The following BBS9 variants were observed in gnomAD, a reference collection of about 807,000 sequenced individuals.
BBS9 encodes the protein protein PTHB1.
A neutral mutation model predicts 117.7 loss-of-function variants in BBS9; 89 were observed. The ratio of observed to expected loss-of-function variants is 0.76; its 90% CI spans 0.64 to 0.90. BBS9 has a LOEUF of 0.90. Among genes scored for constraint, BBS9 ranks in the 40% least tolerant of loss-of-function variants. BBS9 has a pLI of 0.00. For synonymous variants in BBS9, 379 were observed against 370.9 expected, an observed-to-expected ratio of 1.02 and a Z score of -0.25; for missense variants, 982 against 1,042.2, an observed-to-expected ratio of 0.94 and a Z score of 0.80.
At position 33,272,001 on chromosome 7, in the gene BBS9, CA is replaced by C. The variant is rs1418332141; in HGVS notation, c.703-1008del. Among the ~76,000 whole-genome samples the C allele has an allele frequency of 6.6e-5, 10 of 152,184 alleles. No individual in the cohort carries two copies. In the East Asian group the frequency reaches 1.7e-3, roughly 26 times the overall value. On this transcript the variant is annotated intron_variant, in intron 7 of 22. Transcript: ENST00000242067. ...AATTCAAAAATGTCAAAATATCCAT[CA>C]AAGGTAGACTGGATAAAGAAAATGT...
intron 9 of BBS9, among the ~76,000 whole-genome samples, chr7:33,318,850 C>CT (rs1811086561): frequency 6.6e-6 from 1 of 152,176 alleles, no homozygotes; most frequent in East Asian, 1.9e-4. Flanking sequence ...TTTTCCATTC[C>CT]TGAGTTACTT....
rs573887337 is a variant in BBS9 at position 33,516,335 on chromosome 7, A to T, written c.2298+10690A>T. Among the ~76,000 whole-genome samples, 101 of 151,838 alleles carry T rather than the reference A, an allele frequency of 6.7e-4. 1 individual carries two copies. Among genetic ancestry groups the T allele is most frequent in the African/African-American group, 2.2e-3 (91 of 41,454 alleles). ...GAAACCCCATCTTTACTAAAAATAC[A>T]AAAATTGGCCTGGTGCGGTGGCAGG... On this transcript the variant is annotated intron_variant, in intron 20 of 22. Coordinates refer to ENST00000242067, the MANE Select transcript of BBS9 (RefSeq NM_198428.3).
At chr7:33,485,307 AG>A (rs1187459384) in intron 19 of BBS9, among the ~76,000 whole-genome samples, 7 of 139,242 alleles carry the variant, frequency 5.0e-5, no homozygotes, top group South Asian at 2.3e-4. Context: ...TTAACATAAA[AG>A]TTTTTTTTTT....
At chr7:33,520,011 GTT>G (rs869240274) in intron 20 of BBS9, among the ~76,000 whole-genome samples, 30 of 140,502 alleles carry the variant, frequency 2.1e-4, no homozygotes, top group East Asian at 6.2e-4. Context: ...TCTGAAATAG[GTT>G]TTTTTTTTTT....
At chr7:33,200,157 A>G (rs550873144) in intron 5 of BBS9, among the ~76,000 whole-genome samples, 115 of 152,146 alleles carry the variant, frequency 7.6e-4, no homozygotes, top group Non-Finnish European at 1.3e-3. Context: ...CCTCCTTCCA[A>G]TTATATCACT....
intron 19 of BBS9, among the ~76,000 whole-genome samples, chr7:33,492,519 A>G (rs1844130558): frequency 6.6e-6 from 1 of 152,124 alleles, no homozygotes; most frequent in Non-Finnish European, 1.5e-5. Context: ...TAATGTTTAG[A>G]GTTCATGATT....
intron 21 of BBS9, among the ~76,000 whole-genome samples, chr7:33,621,822 G>A (rs1325870031): frequency 1.3e-5 from 2 of 152,168 alleles, no homozygotes; most frequent in Non-Finnish European, 2.9e-5. Flanking sequence ...ATACTATTTA[G>A]CCTTTAAAAA....
intron 7 of BBS9, among the ~76,000 whole-genome samples, chr7:33,271,359 C>T (rs1799763004): frequency 6.6e-6 from 1 of 152,182 alleles, no homozygotes; most frequent in Non-Finnish European, 1.5e-5. Context: ...CAAATCCACA[C>T]GTATCAATAC....
At chr7:33,588,155 A>G (rs906525357) in intron 21 of BBS9, among the ~76,000 whole-genome samples, 4 of 152,070 alleles carry the variant, frequency 2.6e-5, no homozygotes, top group African/African-American at 9.7e-5. Flanking sequence ...TGGGGTGGAC[A>G]TTTTGTTGTT....
At chr7:33,304,166 C>T (rs1807276041) in intron 9 of BBS9, among the ~76,000 whole-genome samples, 1 of 147,708 alleles carries the variant, frequency 6.8e-6, no homozygotes, top group African/African-American at 2.5e-5. Flanking sequence ...GCCACCCCGT[C>T]TAGGAAGTGA....
At chr7:33,147,521 G>T (rs535275343) in intron 2 of BBS9, among the ~76,000 whole-genome samples, 1 of 152,260 alleles carries the variant, frequency 6.6e-6, no homozygotes, top group South Asian at 2.1e-4. Context: ...ACTGATAGGA[G>T]ATGGGAAGGC....
intron 6 of BBS9, among the ~76,000 whole-genome samples, chr7:33,260,794 C>G (rs1797860849): frequency 6.6e-6 from 1 of 152,164 alleles, no homozygotes. Context: ...GGTGGGACCT[C>G]TAAGAGTTGA....
At chr7:33,239,766 T>C (rs1457210774) in intron 5 of BBS9, among the ~76,000 whole-genome samples, 1 of 152,112 alleles carries the variant, frequency 6.6e-6, no homozygotes, top group Non-Finnish European at 1.5e-5. Context: ...TCCCAGTGCT[T>C]TGGTTGTCTG....
At chr7:33,418,339 T>G (rs1408690737) in intron 19 of BBS9, among the ~76,000 whole-genome samples, 1 of 152,188 alleles carries the variant, frequency 6.6e-6, no homozygotes, top group African/African-American at 2.4e-5. Context: ...GGAAGATTGA[T>G]GATGTATTTT....
intron 9 of BBS9, among the ~76,000 whole-genome samples, chr7:33,289,559 T>C (rs1343922351): frequency 6.6e-6 from 1 of 152,218 alleles, no homozygotes; most frequent in Non-Finnish European, 1.5e-5. Context: ...ATGGTAGTGT[T>C]TGCATTTCAG....
At chr7:33,406,756 A>G (rs1830073169) in intron 19 of BBS9, among the ~76,000 whole-genome samples, 1 of 152,124 alleles carries the variant, frequency 6.6e-6, no homozygotes, top group South Asian at 2.1e-4. Flanking sequence ...AATGTTGAAT[A>G]TTGGCCCCCA....
At chr7:33,443,262 A>G (rs2128901334) in intron 19 of BBS9, among the ~76,000 whole-genome samples, 1 of 152,324 alleles carries the variant, frequency 6.6e-6, no homozygotes, top group East Asian at 1.9e-4. Context: ...AGAAAGATGG[A>G]AATGGAAAAG....
At chr7:33,147,905 A>G (rs1320741517) in intron 2 of BBS9, among the ~76,000 whole-genome samples, 2 of 151,694 alleles carry the variant, frequency 1.3e-5, no homozygotes, top group Non-Finnish European at 2.9e-5. Flanking sequence ...TGTGTTCCAC[A>G]TAGACAACAC....
At chr7:33,548,353 T>G (rs1853757692) in intron 21 of BBS9, among the ~76,000 whole-genome samples, 1 of 152,188 alleles carries the variant, frequency 6.6e-6, no homozygotes, top group Non-Finnish European at 1.5e-5. Context: ...GAACTGCCTT[T>G]TTTTTTATTA....
Sources: gnomAD v4.1 joint callset for allele counts (sites outside exome capture counted in the v4.1 genomes callset) on GRCh38, gnomAD v4.1.1 for gene constraint, MANE v1.5 for transcripts, NCBI Gene and HGNC (gene_info 2026-07-23, HGNC 2026-07-21) for gene names.